Variants in LUZP2 observed in about 807,000 individuals in gnomAD.
LUZP2 encodes the protein leucine zipper protein 2.
LUZP2 carries 52 observed loss-of-function variants against 51.6 expected under a neutral mutation model. The ratio of observed to expected loss-of-function variants is 1.01; its 90% CI spans 0.81 to 1.27. The LOEUF (loss-of-function observed/expected upper bound fraction) is 1.27. Among genes scored for constraint, LUZP2 ranks in the 50% most tolerant of loss-of-function variants. The probability of loss-of-function intolerance (pLI) is 0.00; values close to 1 mark genes in which losing one functional copy is unlikely to be tolerated. For missense variants in LUZP2, 436 were observed against 395.4 expected (o/e 1.10, Z -0.87); for synonymous variants, 154 against 137.3 (o/e 1.12, Z -0.85).
chr11:24,737,876 C>T (rs1048553638), intron 3 of LUZP2, among the ~76,000 whole-genome samples: 38 of 152,118 alleles, frequency 2.5e-4, no homozygotes, highest in Middle Eastern at 6.8e-3. Context: ...CATGTTCATA[C>T]CCCAGTATGC....
At chr11:24,607,090 A>T (rs1213422954) in intron 1 of LUZP2, among the ~76,000 whole-genome samples, 2 of 151,514 alleles carry the variant, frequency 1.3e-5, no homozygotes, top group African/African-American at 4.8e-5. Flanking sequence ...ATAGGCTTCC[A>T]TTTTATTTTG....
chr11:25,073,486 G>T (rs375504563), intron 10 of LUZP2, among the ~76,000 whole-genome samples: 10 of 152,148 alleles, frequency 6.6e-5, no homozygotes, highest in African/African-American at 1.9e-4. Flanking sequence ...GACATTCCCT[G>T]GGTCTGGGCT....
rs143011756 is a variant in LUZP2, at chr11:24,827,326, C to G, written c.396+64018C>G. ...CTTTCTTCAGGCCCAAGATAACTTA[C>G]AATATCTTTTCAAAGTTTTATTTGT... On this transcript the variant is annotated intron_variant, in intron 5 of 11. Coordinates refer to ENST00000336930, the MANE Select transcript of LUZP2 (RefSeq NM_001009909.4). Among the ~76,000 whole-genome samples, 1,072 of 152,192 alleles carry G rather than the reference C, an allele frequency of 7.0e-3. 18 individuals are homozygous for G. The highest frequency in any genetic ancestry group is 0.025 in the African/African-American group (1,022 of 41,528).
At chr11:24,694,185 T>C (rs557369110) in intron 1 of LUZP2, among the ~76,000 whole-genome samples, 2 of 152,204 alleles carry the variant, frequency 1.3e-5, no homozygotes, top group African/African-American at 4.8e-5. Context: ...TTTCTCCTCC[T>C]ACTTGCCTGT....
At chr11:25,020,209 T>G (rs4620675) in intron 9 of LUZP2, among the ~76,000 whole-genome samples, 88,872 of 151,952 alleles carry the variant, frequency 0.58, 27,226 homozygotes, top group African/African-American at 0.77. Context: ...AGGATGATTT[T>G]ACTTTGGGGA....
At position 24,500,991 on chromosome 11, in the gene LUZP2, C is replaced by CA. The variant is rs1294951878; in HGVS notation, c.62+3692dup. ...TCACAATAAACACAATGAGAACACA[C>CA]AAAAAATATTTTTACCCAAATAAAT... is the stretch of plus-strand genomic sequence containing the variant. On this transcript the variant is annotated intron_variant, in intron 1 of 11. Transcript: ENST00000336930. 5.9e-5 allele frequency among the ~76,000 whole-genome samples: 9 copies of CA among 152,246 alleles called. No homozygotes were observed. In the South Asian group the frequency reaches 1.7e-3, roughly 28 times the overall value.
At chr11:24,791,955 G>A (rs1849420614) in intron 5 of LUZP2, among the ~76,000 whole-genome samples, 1 of 49,286 alleles carries the variant, frequency 2.0e-5, no homozygotes, top group Non-Finnish European at 5.9e-5. Flanking sequence ...CTTAGTGAGA[G>A]TCTTTTTTTT....
chr11:25,033,912 A>G (rs984362182), intron 9 of LUZP2, among the ~76,000 whole-genome samples: 1 of 152,096 alleles, frequency 6.6e-6, no homozygotes, highest in Non-Finnish European at 1.5e-5. Context: ...TCTTTTTGGT[A>G]GAATGATTTA....
chr11:24,642,150 A>AGT (rs1855310056), intron 1 of LUZP2, among the ~76,000 whole-genome samples: 1 of 151,832 alleles, frequency 6.6e-6, no homozygotes. Flanking sequence ...GGCCTCCAAA[A>AGT]GTACTGGGAT....
intron 1 of LUZP2, among the ~76,000 whole-genome samples, chr11:24,644,518 T>A (rs973680708): frequency 8.6e-5 from 13 of 151,674 alleles, no homozygotes; most frequent in Non-Finnish European, 1.6e-4. Flanking sequence ...GCTACCCAAC[T>A]GTAGCTAGAA....
At chr11:24,755,319 A>C in intron 4 of LUZP2, among the ~76,000 whole-genome samples, 1 of 152,086 alleles carries the variant, frequency 6.6e-6, no homozygotes, top group East Asian at 1.9e-4. Flanking sequence ...CCCTTCTCCC[A>C]CATTGACCAC....
chr11:24,993,340 A>G (rs894723658), intron 9 of LUZP2, among the ~76,000 whole-genome samples: 7 of 152,168 alleles, frequency 4.6e-5, no homozygotes, highest in African/African-American at 1.7e-4. Flanking sequence ...AAAATGTCAT[A>G]ATGTAAAAGC....
intron 5 of LUZP2, among the ~76,000 whole-genome samples, chr11:24,771,144 G>A (rs921188554): frequency 1.3e-4 from 19 of 151,890 alleles, no homozygotes; most frequent in African/African-American, 4.6e-4. Flanking sequence ...ATTTTTCATG[G>A]GAAATATAGA....
At chr11:24,824,065 A>C (rs956850239) in intron 5 of LUZP2, among the ~76,000 whole-genome samples, 2 of 150,498 alleles carry the variant, frequency 1.3e-5, no homozygotes, top group Admixed American at 6.6e-5. Context: ...ACTGTCTAAA[A>C]AAAAAGAGTG....
intron 1 of LUZP2, among the ~76,000 whole-genome samples, chr11:24,512,773 G>A (rs1455946961): frequency 6.9e-6 from 1 of 144,806 alleles, no homozygotes; most frequent in Admixed American, 7.0e-5. Flanking sequence ...TTTTGGAGAT[G>A]GAGTCTCACT....
At chr11:24,958,394 C>T (rs1352685571) in intron 7 of LUZP2, among the ~76,000 whole-genome samples, 6 of 152,104 alleles carry the variant, frequency 3.9e-5, no homozygotes, top group East Asian at 1.9e-4. Flanking sequence ...TCCTATTTCT[C>T]CACATCCTCT....
chr11:24,996,602 ATTTT>A (rs1856510578), intron 9 of LUZP2, among the ~76,000 whole-genome samples: 1 of 141,220 alleles, frequency 7.1e-6, no homozygotes, highest in Non-Finnish European at 1.5e-5. Flanking sequence ...ATTTTATTTT[ATTTT>A]ATTTTATTTT....
chr11:24,705,806 A>G (rs1454919927), intron 1 of LUZP2, among the ~76,000 whole-genome samples: 1 of 152,188 alleles, frequency 6.6e-6, no homozygotes, highest in Non-Finnish European at 1.5e-5. Context: ...ATCTATGTAA[A>G]CATCACTCAT....
intron 7 of LUZP2, among the ~76,000 whole-genome samples, chr11:24,954,070 G>T (rs1020180399): frequency 6.6e-6 from 1 of 151,376 alleles, no homozygotes; most frequent in African/African-American, 2.4e-5. Context: ...CTGCCACTCA[G>T]TAATAAATGG....
Sources: allele counts gnomAD v4.1 joint callset (sites outside exome capture counted in the v4.1 genomes callset), GRCh38; gene constraint gnomAD v4.1.1; transcripts MANE v1.5; gene names NCBI Gene and HGNC (gene_info 2026-07-23, HGNC 2026-07-21).